Variants in CAMTA1 observed in about 807,000 individuals in gnomAD.
CAMTA1 encodes the protein calmodulin-binding transcription activator 1.
In CAMTA1, 27 loss-of-function variants were observed where a neutral mutation model predicts 170.9. The ratio of observed to expected loss-of-function variants is 0.16; its 90% CI spans 0.12 to 0.22. CAMTA1 has a LOEUF of 0.22. CAMTA1 is among the 10% of genes least tolerant of loss of function. The probability of loss-of-function intolerance (pLI) is 1.00; values close to 1 mark genes in which losing one functional copy is unlikely to be tolerated. For missense variants in CAMTA1, 1,619 were observed against 2,217.2 expected, an observed-to-expected ratio of 0.73 and a Z score of 5.42; for synonymous variants, 833 against 891.5, an observed-to-expected ratio of 0.93 and a Z score of 1.17.
intron 5 of CAMTA1, among the ~76,000 whole-genome samples, chr1:7,352,871 T>C (rs1388710850): frequency 6.6e-6 from 1 of 152,182 alleles, no homozygotes; most frequent in Admixed American, 6.5e-5. Flanking sequence ...GGATGAAAGC[T>C]CTTCCCACTC....
chr1:7,544,105 G>T lies in CAMTA1; in HGVS notation c.510+76204G>T, dbSNP rs572731848. Among the ~76,000 whole-genome samples the T allele has an allele frequency of 3.9e-5, 6 of 152,330 alleles. 1 individual carries two copies. In the South Asian group the frequency reaches 1.2e-3, roughly 32 times the overall value. ...ATGCTGCTGATAAAGACATACCTGA[G>T]ACTGGGAAGAAAAAGAGGCTTAATT... On this transcript the variant is annotated intron_variant, in intron 6 of 22. Coordinates refer to ENST00000303635, the MANE Select transcript of CAMTA1 (RefSeq NM_015215.4).
chr1:7,058,532 A>G (rs1479049009), intron 3 of CAMTA1, among the ~76,000 whole-genome samples: 1 of 152,128 alleles, frequency 6.6e-6, no homozygotes, highest in Non-Finnish European at 1.5e-5. Context: ...AGTGATGCCC[A>G]GTAGATGTCC....
At chr1:7,569,980 C>G (rs1477201401) in intron 6 of CAMTA1, among the ~76,000 whole-genome samples, 1 of 152,230 alleles carries the variant, frequency 6.6e-6, no homozygotes, top group African/African-American at 2.4e-5. Context: ...ATCCTTTGGA[C>G]TCTTAGTGGA....
chr1:7,668,719 C>T (rs1004558133), intron 9 of CAMTA1, among the ~76,000 whole-genome samples: 9 of 152,232 alleles, frequency 5.9e-5, no homozygotes, highest in Non-Finnish European at 8.8e-5. Context: ...AGCTGTCCTG[C>T]GGCGGTTTCC....
chr1:7,075,955 G>A (rs749114763), intron 3 of CAMTA1, among the ~76,000 whole-genome samples: 1 of 152,094 alleles, frequency 6.6e-6, no homozygotes, highest in Non-Finnish European at 1.5e-5. Context: ...AAACCACCAC[G>A]CCCGGCCCAA....
chr1:7,533,195 G>A (rs376628283), intron 6 of CAMTA1, among the ~76,000 whole-genome samples: 23 of 152,146 alleles, frequency 1.5e-4, no homozygotes, highest in Non-Finnish European at 2.2e-4. Flanking sequence ...CCTGCTGCAC[G>A]TGCCGGATGG....
In CAMTA1 at chr1:7,745,892, G is replaced by C. The variant is rs776553769; in HGVS notation, c.4418G>C (p.Ser1473Thr). 3.7e-6 allele frequency: 6 copies of C among 1,614,206 alleles called. No individual in the cohort carries two copies. Among genetic ancestry groups the C allele is most frequent in the Admixed American group, 1.7e-5 (1 of 60,026 alleles). Residue 1473 changes from serine to threonine, a missense_variant, in exon 18 of 23, where the codon AGC becomes ACC. Ser to Thr is a moderately conservative substitution (Grantham distance 58). Transcript: ENST00000303635. ...PLTPSSNTSL[S>T]PVGSPVSEIA... Reference sequence around the variant, plus strand: ...ACCCCTTCTTCTAATACCAGCTTGAGCCCTGTTGGCTCTCCCGTCAGTGAA... The same window carrying C: ...ACCCCTTCTTCTAATACCAGCTTGACCCCTGTTGGCTCTCCCGTCAGTGAA...
intron 5 of CAMTA1, among the ~76,000 whole-genome samples, chr1:7,386,763 A>C (rs1229360328): frequency 6.6e-6 from 1 of 152,214 alleles, no homozygotes; most frequent in Admixed American, 6.5e-5. Context: ...CTAAGAAGTC[A>C]GTAGGAAAAT....
chr1:7,526,311 C>A (rs2094431274), intron 6 of CAMTA1, among the ~76,000 whole-genome samples: 1 of 152,088 alleles, frequency 6.6e-6, no homozygotes, highest in South Asian at 2.1e-4. Context: ...CGAGCTCCCC[C>A]ACCGCCCACC....
chr1:7,513,408 G>A (rs1442628895), intron 6 of CAMTA1, among the ~76,000 whole-genome samples: 1 of 152,128 alleles, frequency 6.6e-6, no homozygotes, highest in Non-Finnish European at 1.5e-5. Flanking sequence ...GCGTAGACTG[G>A]GCAGCTTAAA....
intron 5 of CAMTA1, among the ~76,000 whole-genome samples, chr1:7,355,394 C>G (rs965433596): frequency 6.6e-6 from 1 of 151,992 alleles, no homozygotes; most frequent in Non-Finnish European, 1.5e-5. Flanking sequence ...CAAAACAAAA[C>G]AAAATAAAAC....
At chr1:7,358,726 C>T (rs2085319781) in intron 5 of CAMTA1, among the ~76,000 whole-genome samples, 1 of 152,182 alleles carries the variant, frequency 6.6e-6, no homozygotes, top group Non-Finnish European at 1.5e-5. Flanking sequence ...GTGAGCCAGC[C>T]ACCCTCATGT....
chr1:7,526,573 G>T (rs572410224), intron 6 of CAMTA1, among the ~76,000 whole-genome samples: 15 of 152,232 alleles, frequency 9.9e-5, no homozygotes, highest in Non-Finnish European at 1.8e-4. Flanking sequence ...GAAGGCGGAG[G>T]AGTCCTGGAC....
At chr1:6,939,677 C>T (rs1245678280) in intron 3 of CAMTA1, among the ~76,000 whole-genome samples, 1 of 126,522 alleles carries the variant, frequency 7.9e-6, no homozygotes, top group Non-Finnish European at 1.7e-5. Flanking sequence ...TTCCCTGGGG[C>T]AGGACTCAGC....
At chr1:7,517,821 G>A (rs879891914) in intron 6 of CAMTA1, among the ~76,000 whole-genome samples, 5 of 151,984 alleles carry the variant, frequency 3.3e-5, no homozygotes, top group Non-Finnish European at 5.9e-5. Flanking sequence ...CCTGGAGGAT[G>A]TCCAGGCAGA....
intron 3 of CAMTA1, among the ~76,000 whole-genome samples, chr1:7,081,445 A>G (rs1037396873): frequency 1.3e-5 from 2 of 152,262 alleles, no homozygotes; most frequent in Non-Finnish European, 2.9e-5. Context: ...AACAATATCA[A>G]AATAGAAGTT....
At chr1:7,628,265 C>T (rs753711519) in intron 6 of CAMTA1, among the ~76,000 whole-genome samples, 8 of 152,218 alleles carry the variant, frequency 5.3e-5, no homozygotes. Flanking sequence ...GCACCCCTGC[C>T]TCCAAGTGAC....
At chr1:7,742,132 C>CATAT (rs34856922) in intron 16 of CAMTA1, among the ~76,000 whole-genome samples, 53 of 150,944 alleles carry the variant, frequency 3.5e-4, no homozygotes, top group Non-Finnish European at 5.8e-4. Context: ...TGTATATATA[C>CATAT]ATATATATAT....
chr1:6,904,624 A>G (rs375025156), intron 3 of CAMTA1, among the ~76,000 whole-genome samples: 42 of 150,388 alleles, frequency 2.8e-4, no homozygotes, highest in African/African-American at 8.3e-4. Context: ...AGCATGAACA[A>G]CATAGCTCAC....
Sources: allele counts gnomAD v4.1 joint callset (sites outside exome capture counted in the v4.1 genomes callset), GRCh38; gene constraint gnomAD v4.1.1; transcripts MANE v1.5; gene names NCBI Gene and HGNC (gene_info 2026-07-23, HGNC 2026-07-21).